TSPAN9: variants seen among roughly 807,000 people sequenced by gnomAD.
TSPAN9 encodes tetraspanin 9, also known as tetraspanin-9.
A neutral mutation model predicts 31.0 loss-of-function variants in TSPAN9; 16 were observed. The ratio of observed to expected loss-of-function variants is 0.52; its 90% CI spans 0.35 to 0.78. TSPAN9 has a LOEUF of 0.78. TSPAN9 is among the 30% of genes least tolerant of loss of function. TSPAN9 has a pLI of 0.01. For synonymous variants in TSPAN9, 145 were observed against 121.6 expected (o/e 1.19, Z -1.27); for missense variants, 272 against 312.5 (o/e 0.87, Z 0.98).
chr12:3,140,253 C>T (rs943422778), intron 2 of TSPAN9, among the ~76,000 whole-genome samples: 23 of 152,222 alleles, frequency 1.5e-4, no homozygotes, highest in Middle Eastern at 3.4e-3. Flanking sequence ...TAGTGTTTCC[C>T]AGGGGTAGCT....
At chr12:3,245,739 G>A (rs144384021) in intron 3 of TSPAN9, among the ~76,000 whole-genome samples, 131 of 152,284 alleles carry the variant, frequency 8.6e-4, no homozygotes, top group Middle Eastern at 6.8e-3. Flanking sequence ...TGGGCAGACC[G>A]GCCCGTGGCA....
intron 3 of TSPAN9, among the ~76,000 whole-genome samples, chr12:3,230,272 G>A (rs1418277941): frequency 6.6e-6 from 1 of 152,136 alleles, no homozygotes; most frequent in Non-Finnish European, 1.5e-5. Context: ...TGCTTTTGAA[G>A]GTCAGCAGGA....
At position 3,246,607 on chromosome 12, in the gene TSPAN9, A is replaced by G. The variant is rs111872560; in HGVS notation, c.64-31814A>G. On this transcript the variant is annotated intron_variant, in intron 3 of 8. Transcript: ENST00000011898. ...CTCAGTGCCAGGGAACAGTAGCCCA[A>G]TTGTTCCAAACCCGTGTTCTCTGGG... Among the ~76,000 whole-genome samples, 1,125 of 152,232 alleles carry G rather than the reference A, an allele frequency of 7.4e-3. 4 individuals carry two copies. Among genetic ancestry groups the G allele is most frequent in the Non-Finnish European group, 0.012 (800 of 68,008 alleles).
At chr12:3,094,845 ATCT>A (rs2098307044) in intron 2 of TSPAN9, among the ~76,000 whole-genome samples, 1 of 111,046 alleles carries the variant, frequency 9.0e-6, no homozygotes, top group Non-Finnish European at 2.0e-5. Flanking sequence ...AAAATCAATA[ATCT>A]TTTTTTTTTT....
At chr12:3,236,229 T>C (rs968436693) in intron 3 of TSPAN9, among the ~76,000 whole-genome samples, 1 of 152,240 alleles carries the variant, frequency 6.6e-6, no homozygotes, top group Non-Finnish European at 1.5e-5. Context: ...CTGAGCGTCA[T>C]CTTCCTCACT....
At chr12:3,272,749 G>A (rs975594826) in intron 3 of TSPAN9, among the ~76,000 whole-genome samples, 1 of 152,250 alleles carries the variant, frequency 6.6e-6, no homozygotes, top group Non-Finnish European at 1.5e-5. Context: ...CAGCATGGAA[G>A]TGGGTGGAGA....
At chr12:3,087,846 C>T (rs922710420) in intron 2 of TSPAN9, among the ~76,000 whole-genome samples, 1 of 152,158 alleles carries the variant, frequency 6.6e-6, no homozygotes, top group Non-Finnish European at 1.5e-5. Flanking sequence ...GATGTGAGTG[C>T]CTTCCCCTTA....
chr12:3,215,457 A>C (rs771837185), intron 3 of TSPAN9: 1 of 152,254 alleles, frequency 6.6e-6, no homozygotes, highest in Non-Finnish European at 1.5e-5. Context: ...TCTGAGGCCT[A>C]GGAAGGGTTC....
chr12:3,243,620 T>A (rs1284974113), intron 3 of TSPAN9, among the ~76,000 whole-genome samples: 1 of 151,898 alleles, frequency 6.6e-6, no homozygotes, highest in East Asian at 1.9e-4. Flanking sequence ...ACCGATGAGG[T>A]GGAGAAGCAG....
At chr12:3,081,438 C>T (rs1431091729) in intron 1 of TSPAN9, among the ~76,000 whole-genome samples, 2 of 152,126 alleles carry the variant, frequency 1.3e-5, no homozygotes, top group Non-Finnish European at 2.9e-5. Context: ...CCTTCTTGGC[C>T]CCTTAGTTCA....
intron 8 of TSPAN9, chr12:3,282,056 A>G (rs970694050): frequency 8.7e-6 from 6 of 688,324 alleles, no homozygotes; most frequent in Non-Finnish European, 1.1e-5. Context: ...CCAGGCTGGG[A>G]TATTGAAGCT....
chr12:3,237,734 A>C (rs1410602839), intron 3 of TSPAN9, among the ~76,000 whole-genome samples: 2 of 152,090 alleles, frequency 1.3e-5, no homozygotes, highest in Non-Finnish European at 2.9e-5. Context: ...CCCCAGGCAC[A>C]GAGAGGGCAG....
intron 3 of TSPAN9, among the ~76,000 whole-genome samples, chr12:3,268,827 T>G: frequency 9.7e-6 from 1 of 103,616 alleles, no homozygotes; most frequent in Non-Finnish European, 2.1e-5. Flanking sequence ...CTGCCCTCCG[T>G]GCATTCCTGC....
At chr12:3,211,897 G>A (rs2098378912) in intron 3 of TSPAN9, 5 of 1,590,030 alleles carry the variant, frequency 3.1e-6, no homozygotes, top group East Asian at 2.2e-5. Flanking sequence ...AGGGATGAAG[G>A]AGATCCTTTG....
intron 2 of TSPAN9, among the ~76,000 whole-genome samples, chr12:3,129,924 A>G (rs1260052611): frequency 6.6e-6 from 1 of 152,100 alleles, no homozygotes; most frequent in Non-Finnish European, 1.5e-5. Flanking sequence ...CAACCCCTCC[A>G]TGCCCTCTGT....
chr12:3,207,491 C>T (rs978207863), intron 3 of TSPAN9, among the ~76,000 whole-genome samples: 1 of 152,104 alleles, frequency 6.6e-6, no homozygotes, highest in African/African-American at 2.4e-5. Context: ...AAAAATGGCA[C>T]ACGGTCAGGC....
chr12:3,212,748 G>C (rs1163812000), intron 3 of TSPAN9, among the ~76,000 whole-genome samples: 1 of 152,200 alleles, frequency 6.6e-6, no homozygotes, highest in East Asian at 1.9e-4. Context: ...CACCAGGTAT[G>C]GTGCTCAGTG....
intron 3 of TSPAN9, among the ~76,000 whole-genome samples, chr12:3,269,110 C>G (rs879168376): frequency 7.2e-5 from 3 of 41,726 alleles, no homozygotes; most frequent in Admixed American, 2.6e-4. Context: ...CCTGCCCTCC[C>G]TGTGTTCCTG....
chr12:3,244,927 A>G lies in TSPAN9; in HGVS notation c.64-33494A>G, dbSNP rs1455040247. 3.2e-4 allele frequency among the ~76,000 whole-genome samples: 49 copies of G among 152,116 alleles called. 1 individual carries two copies. Among genetic ancestry groups the G allele is most frequent in the Non-Finnish European group, 1.6e-4 (11 of 68,006 alleles). ...TCAGCATCCAGTATTGTGCTGTGGT[A>G]GTTTCAGGGGCCCCCTTCTGCCAAC... On this transcript the variant is annotated intron_variant, in intron 3 of 8. Coordinates refer to ENST00000011898, the MANE Select transcript of TSPAN9 (RefSeq NM_006675.5).
Sources: gnomAD v4.1 joint callset for allele counts (sites outside exome capture counted in the v4.1 genomes callset) on GRCh38, gnomAD v4.1.1 for gene constraint, MANE v1.5 for transcripts, NCBI Gene and HGNC (gene_info 2026-07-23, HGNC 2026-07-21) for gene names.